The following MZT2B variants were observed in gnomAD, a reference collection of about 807,000 sequenced individuals.
The protein encoded by MZT2B is mitotic-spindle organizing protein 2B.
A neutral mutation model predicts 12.1 loss-of-function variants in MZT2B; 11 were observed. The ratio of observed to expected loss-of-function variants is 0.91; its 90% CI spans 0.57 to 1.50. The LOEUF (loss-of-function observed/expected upper bound fraction) is 1.50. Ranked by LOEUF, MZT2B falls within the 40% of genes most tolerant of loss-of-function variation. The pLI, the probability that MZT2B is intolerant of heterozygous loss-of-function variation, is 0.00. For synonymous variants in MZT2B, 85 were observed against 109.5 expected, an observed-to-expected ratio of 0.78 and a Z score of 1.40; for missense variants, 209 against 227.7, an observed-to-expected ratio of 0.92 and a Z score of 0.53.
rs950846878 is a variant in MZT2B, at chr2:130,190,375, C to T, written c.320-94C>T. ...CTGAAGGGACTTTGATGGAAATGTG[C>T]AGACACAAATGTTGCCCAAGGACCA... On this transcript the variant is annotated intron_variant, in intron 2 of 2. Coordinates refer to ENST00000281871, the MANE Select transcript of MZT2B (RefSeq NM_025029.5). 34 of 1,550,514 alleles carry T rather than the reference C, an allele frequency of 2.2e-5. No homozygotes were observed. The African/African-American group carries it at 2.8e-4, about 13-fold the overall frequency.
chr2:130,191,806 G>A (rs369065158), downstream of MZT2B: 6 of 1,587,424 alleles, frequency 3.8e-6, no homozygotes, highest in African/African-American at 2.7e-5. Context: ...AGGGGTGGCA[G>A]GGGAGAACCC....
downstream of MZT2B, chr2:130,194,544 C>G (rs748612168): frequency 9.7e-6 from 14 of 1,449,016 alleles, no homozygotes; most frequent in Admixed American, 2.2e-4. Context: ...GGCCGCTTCT[C>G]TTTGCCTCTA....
chr2:130,196,986 G>A, the MZT2B span, among the ~76,000 whole-genome samples: 1 of 152,186 alleles, frequency 6.6e-6, no homozygotes, highest in South Asian at 2.1e-4. Flanking sequence ...CAGTGCCAGG[G>A]TACTCCCTCC....
chr2:130,182,001 C>A, upstream of MZT2B: 1 of 1,376,986 alleles, frequency 7.3e-7, no homozygotes, highest in African/African-American at 1.5e-5. Flanking sequence ...CCTAAGCGAG[C>A]ACGACCAATG....
chr2:130,198,415 C>T, the MZT2B span: 3 of 1,354,736 alleles, frequency 2.2e-6, no homozygotes, highest in South Asian at 1.3e-5. Context: ...CCGGCTGCCA[C>T]AGCTGCTGAG....
chr2:130,185,650 C>T (rs1243612115), intron 2 of MZT2B, among the ~76,000 whole-genome samples: 1 of 87,598 alleles, frequency 1.1e-5, no homozygotes, highest in African/African-American at 4.1e-5. Flanking sequence ...TGAGGCAGAG[C>T]GCTGTCCAGG....
intron 2 of MZT2B, chr2:130,184,567 C>T (rs556036925): frequency 2.9e-5 from 29 of 985,374 alleles, no homozygotes; most frequent in African/African-American, 3.5e-5. Context: ...GCACCTCCTG[C>T]GTGCACTTCC....
At chr2:130,191,359 C>G (rs567202485), downstream of MZT2B, among the ~76,000 whole-genome samples, 1 of 147,062 alleles carries the variant, frequency 6.8e-6, no homozygotes, top group Non-Finnish European at 1.5e-5. Flanking sequence ...ATATTCTTTC[C>G]CCCTCTAAAA....
At chr2:130,194,377 C>T (rs1392133730), downstream of MZT2B, 1 of 1,613,262 alleles carries the variant, frequency 6.2e-7, no homozygotes, top group South Asian at 1.1e-5. Flanking sequence ...CTGAGAGCCG[C>T]TCCATGAGCA....
intron 2 of MZT2B, among the ~76,000 whole-genome samples, chr2:130,189,548 A>T (rs372467078): frequency 3.7e-4 from 57 of 152,282 alleles, no homozygotes; most frequent in Admixed American, 1.2e-3. Context: ...AGACCCTGCC[A>T]GGCCAGAGCA....
Position 130,184,593 on chromosome 2 carries a change from C to T in MZT2B, c.319+1818C>T, listed in dbSNP as rs535961038. The T allele has an allele frequency of 7.1e-6, 7 of 985,422 alleles. 1 individual carries two copies. In the South Asian group the frequency reaches 3.3e-4, roughly 46 times the overall value. 61.0% of individuals were successfully genotyped at this position (985,422 alleles called of 1,614,324 possible). ...GTGCACTTCCTGACAGCGCCCACCTCACTGCCACCCAGAGCTCGGACCCAA... is the reference window on the plus strand; with the variant it reads ...GTGCACTTCCTGACAGCGCCCACCTTACTGCCACCCAGAGCTCGGACCCAA... On this transcript the variant is annotated intron_variant, in intron 2 of 2. Coordinates refer to ENST00000281871, the MANE Select transcript of MZT2B (RefSeq NM_025029.5).
downstream of MZT2B, among the ~76,000 whole-genome samples, chr2:130,191,013 G>C (rs1010299233): frequency 5.3e-5 from 8 of 152,004 alleles, no homozygotes; most frequent in African/African-American, 1.9e-4. Flanking sequence ...GCAGTGGTGC[G>C]ATCTCGGCTC....
At chr2:130,187,999 G>A (rs1272817304) in intron 2 of MZT2B, 1 of 151,372 alleles carries the variant, frequency 6.6e-6, no homozygotes, top group Non-Finnish European at 1.5e-5. Context: ...AACTGTGATT[G>A]CATCACTGTG....
At chr2:130,191,670 C>T, downstream of MZT2B, 1 of 1,332,076 alleles carries the variant, frequency 7.5e-7, no homozygotes. Context: ...GCTGGCACCC[C>T]ACCGCTGTCC....
chr2:130,195,037 T>G (rs1481924279), downstream of MZT2B: 3 of 1,606,620 alleles, frequency 1.9e-6, no homozygotes, highest in African/African-American at 2.7e-5. Flanking sequence ...GAACTACCCC[T>G]CCCATGCAAG....
At chr2:130,193,169 C>T (rs1362421923), downstream of MZT2B, among the ~76,000 whole-genome samples, 1 of 150,098 alleles carries the variant, frequency 6.7e-6, no homozygotes. Context: ...GTGAGAGAAT[C>T]GCTAGAGTCT....
chr2:130,194,565 A>G (rs1690358689), downstream of MZT2B: 1 of 1,258,456 alleles, frequency 7.9e-7, no homozygotes, highest in East Asian at 2.5e-5. Context: ...AAGAGTTGAT[A>G]TGGATTCAAA....
intron 2 of MZT2B, chr2:130,184,378 A>C: frequency 1.0e-6 from 1 of 985,362 alleles, no homozygotes; most frequent in South Asian, 4.7e-5. Context: ...AGAGACTCCC[A>C]CCTTCCCAGA....
At position 130,182,273 on chromosome 2, in the gene MZT2B, G is replaced by A. The variant is rs1187687018; in HGVS notation, c.-10G>A. 1.4e-5 allele frequency: 18 copies of A among 1,308,112 alleles called. No individual in the cohort carries two copies. The highest frequency in any genetic ancestry group is 1.6e-5 in the African/African-American group (1 of 64,248). 81.0% of individuals were successfully genotyped at this position (1,308,112 alleles called of 1,614,324 possible). ...GCGGGGCGGAGCGCACCTTTCCGCG[G>A]GCCGCGGGGATGGCGGCGCAGGGCG... On this transcript the variant is annotated 5_prime_UTR_variant, in exon 1 of 3. Transcript: ENST00000281871.
Sources: allele counts gnomAD v4.1 joint callset (sites outside exome capture counted in the v4.1 genomes callset), GRCh38; gene constraint gnomAD v4.1.1; transcripts MANE v1.5; gene names NCBI Gene and HGNC (gene_info 2026-07-23, HGNC 2026-07-21).